Variants in SYT1 observed in about 807,000 individuals in gnomAD.
SYT1 encodes synaptotagmin-1.
Under a neutral mutation model 44.8 loss-of-function variants are expected in SYT1, and 8 were observed. The ratio of observed to expected loss-of-function variants is 0.18; its 90% confidence interval spans 0.10 to 0.32. The LOEUF (loss-of-function observed/expected upper bound fraction) is 0.32. Among genes scored for constraint, SYT1 ranks in the 10% least tolerant of loss-of-function variants. The pLI is 1.00. For synonymous variants in SYT1, 154 were observed against 188.8 expected (o/e 0.82, Z 1.51); for missense variants, 286 against 509.3 (o/e 0.56, Z 4.22).
chr12:79,161,650 ACTGT>A (rs1323303740), intron 3 of SYT1, among the ~76,000 whole-genome samples: 2 of 152,182 alleles, frequency 1.3e-5, no homozygotes, highest in South Asian at 2.1e-4. Flanking sequence ...CAGATAATCA[ACTGT>A]CTATTTTACA....
chr12:79,396,588 A>C (rs1884879388), intron 9 of SYT1, among the ~76,000 whole-genome samples: 1 of 152,174 alleles, frequency 6.6e-6, no homozygotes, highest in Admixed American at 6.5e-5. Flanking sequence ...AGAATAAAGG[A>C]ATAGAGCTTC....
intron 2 of SYT1, among the ~76,000 whole-genome samples, chr12:79,016,794 T>C (rs1201770630): frequency 6.6e-6 from 1 of 152,170 alleles, no homozygotes; most frequent in Non-Finnish European, 1.5e-5. Flanking sequence ...ATTCAGTTTG[T>C]AACAGTTTAA....
chr12:78,927,426 A>G (rs1877364134), intron 1 of SYT1, among the ~76,000 whole-genome samples: 1 of 152,192 alleles, frequency 6.6e-6, no homozygotes, highest in Non-Finnish European at 1.5e-5. Flanking sequence ...TGTAAATTTT[A>G]CTGTAAGATT....
At chr12:79,250,529 A>G (rs542100083) in intron 4 of SYT1, among the ~76,000 whole-genome samples, 3 of 152,286 alleles carry the variant, frequency 2.0e-5, no homozygotes, top group African/African-American at 4.8e-5. Context: ...GTGTTTTTAT[A>G]TCTGTGGAAA....
chr12:79,228,285 C>A (rs1277677644), intron 4 of SYT1, among the ~76,000 whole-genome samples: 2 of 152,118 alleles, frequency 1.3e-5, no homozygotes, highest in Non-Finnish European at 2.9e-5. Context: ...GTAATCTGGA[C>A]CCTGACATCT....
At chr12:79,091,797 C>G (rs773786042) in intron 3 of SYT1, among the ~76,000 whole-genome samples, 13 of 151,904 alleles carry the variant, frequency 8.6e-5, no homozygotes, top group Non-Finnish European at 1.9e-4. Context: ...TCTTTTAAGT[C>G]ATAATTTTTC....
intron 3 of SYT1, among the ~76,000 whole-genome samples, chr12:79,057,507 A>C (rs148943071): frequency 6.6e-6 from 1 of 151,982 alleles, no homozygotes; most frequent in Admixed American, 6.6e-5. Context: ...TTGCTTATCC[A>C]TTTTATATTT....
chr12:79,038,840 C>T (rs543881836), intron 2 of SYT1, among the ~76,000 whole-genome samples: 1 of 152,044 alleles, frequency 6.6e-6, no homozygotes, highest in South Asian at 2.1e-4. Context: ...TTTAGCTCAG[C>T]ACTATGCTAC....
At chr12:79,207,689 G>GA (rs1318812313) in intron 3 of SYT1, among the ~76,000 whole-genome samples, 7 of 152,208 alleles carry the variant, frequency 4.6e-5, no homozygotes, top group South Asian at 2.1e-4. Flanking sequence ...AACAAATCTA[G>GA]AAAAAAATGA....
At chr12:79,339,130 C>T (rs113358273) in intron 8 of SYT1, among the ~76,000 whole-genome samples, 3,480 of 152,192 alleles carry the variant, frequency 0.023, 53 homozygotes, top group Middle Eastern at 0.065. Flanking sequence ...AATAAACATA[C>T]GTGTGCATGT....
chr12:79,332,815 G>A (rs754414830), intron 8 of SYT1, among the ~76,000 whole-genome samples: 13 of 152,046 alleles, frequency 8.6e-5, no homozygotes, highest in Non-Finnish European at 1.8e-4. Context: ...TAATCTATGT[G>A]TCTACATTTT....
intron 8 of SYT1, among the ~76,000 whole-genome samples, chr12:79,338,862 C>G (rs1229272124): frequency 6.6e-6 from 1 of 152,020 alleles, no homozygotes; most frequent in African/African-American, 2.4e-5. Flanking sequence ...TGTTCCCCAC[C>G]CTGTGTCCAA....
intron 9 of SYT1, among the ~76,000 whole-genome samples, chr12:79,423,600 TA>T (rs1008885769): frequency 5.9e-5 from 9 of 152,094 alleles, no homozygotes; most frequent in African/African-American, 2.2e-4. Flanking sequence ...TACTCTTGGC[TA>T]AAAAACATTT....
chr12:78,977,215 A>T (rs1024901964), intron 1 of SYT1, among the ~76,000 whole-genome samples: 1 of 152,198 alleles, frequency 6.6e-6, no homozygotes, highest in Non-Finnish European at 1.5e-5. Flanking sequence ...CAGATGCTTT[A>T]GTATGTGCAG....
At chr12:79,307,467 G>A (rs1880451685) in intron 8 of SYT1, among the ~76,000 whole-genome samples, 4 of 152,180 alleles carry the variant, frequency 2.6e-5, no homozygotes, top group Admixed American at 2.6e-4. Context: ...TGGTGAATAA[G>A]ATAGACCCCC....
At chr12:78,910,303 C>G (rs987738624) in intron 1 of SYT1, among the ~76,000 whole-genome samples, 1 of 151,850 alleles carries the variant, frequency 6.6e-6, no homozygotes, top group Non-Finnish European at 1.5e-5. Context: ...GAACTTAAAC[C>G]CTGACCTCCT....
rs74276040 is a variant in SYT1, at chr12:79,401,399, C to CA, written c.929-42665dup. Among the ~76,000 whole-genome samples the CA allele has an allele frequency of 4.8e-3, 726 of 150,638 alleles. 5 individuals are homozygous for CA. Among genetic ancestry groups the CA allele is most frequent in the African/African-American group, 0.014 (594 of 41,082 alleles). On this transcript the variant is annotated intron_variant, in intron 9 of 10. Coordinates refer to ENST00000261205, the MANE Select transcript of SYT1 (RefSeq NM_005639.3). ...ACAAAGCGAGACCCGGTGTCAATTA[C>CA]AAAAAAAAAGTGTGCCATAATAATC... is the stretch of plus-strand genomic sequence containing the variant.
chr12:79,337,585 A>G (rs992696731), intron 8 of SYT1, among the ~76,000 whole-genome samples: 1 of 152,268 alleles, frequency 6.6e-6, no homozygotes, highest in South Asian at 2.1e-4. Flanking sequence ...TAAAAAGGTA[A>G]TGCTGCTCTG....
chr12:78,972,253 A>C (rs1323155696), intron 1 of SYT1, among the ~76,000 whole-genome samples: 1 of 152,032 alleles, frequency 6.6e-6, no homozygotes, highest in Non-Finnish European at 1.5e-5. Context: ...TATTCCTTAA[A>C]TATTCATGTC....
Sources: allele counts gnomAD v4.1 joint callset (sites outside exome capture counted in the v4.1 genomes callset), GRCh38; gene constraint gnomAD v4.1.1; transcripts MANE v1.5; gene names NCBI Gene and HGNC (gene_info 2026-07-23, HGNC 2026-07-21).